Variants in LPP observed in about 807,000 individuals in gnomAD.
LPP encodes LIM domain containing preferred translocation partner in lipoma.
A neutral mutation model predicts 60.4 loss-of-function variants in LPP; 38 were observed. That is an observed-to-expected ratio of 0.63 (90% CI 0.49 to 0.83). The LOEUF (loss-of-function observed/expected upper bound fraction) is 0.83, where lower values mean the gene tolerates loss of function less well. Ranked by LOEUF, LPP falls within the 40% of genes least tolerant of loss-of-function variation. The pLI is 0.00. For missense variants in LPP, 902 were observed against 783.6 expected (o/e 1.15, Z -1.80); for synonymous variants, 328 against 290.8 (o/e 1.13, Z -1.30).
At chr3:188,794,734 T>C (rs1043758370) in intron 9 of LPP, among the ~76,000 whole-genome samples, 1 of 152,144 alleles carries the variant, frequency 6.6e-6, no homozygotes, top group Admixed American at 6.5e-5. Flanking sequence ...CAAAGGTTTT[T>C]TTTTTCTTTA....
chr3:188,346,003 T>C (rs949230256), intron 3 of LPP, among the ~76,000 whole-genome samples: 2 of 152,116 alleles, frequency 1.3e-5, no homozygotes, highest in East Asian at 1.9e-4. Context: ...GCATAGATGA[T>C]GTCAAAGGAA....
chr3:188,445,979 G>A lies in LPP; in HGVS notation c.194-38613G>A, dbSNP rs574732025. Among the ~76,000 whole-genome samples, 15 of 152,158 alleles carry A rather than the reference G, an allele frequency of 9.9e-5. 1 individual carries two copies. Among genetic ancestry groups the A allele is most frequent in the African/African-American group, 1.9e-4 (8 of 41,482 alleles). On this transcript the variant is annotated intron_variant, in intron 4 of 11. Coordinates refer to ENST00000617246, the MANE Select transcript of LPP (RefSeq NM_001375462.1). Reference sequence around the variant, plus strand: ...ATAAATTATTTTATTTGTTTCTTCCGTATGCCATTTAACAGGGAGGGGAAG... The same window carrying A: ...ATAAATTATTTTATTTGTTTCTTCCATATGCCATTTAACAGGGAGGGGAAG...
intron 1 of LPP, among the ~76,000 whole-genome samples, chr3:188,204,846 T>A (rs1732722777): frequency 6.6e-6 from 1 of 152,182 alleles, no homozygotes; most frequent in South Asian, 2.1e-4. Flanking sequence ...TGTAAGATGG[T>A]CATGAGTTTC....
chr3:188,592,104 A>C (rs1179240364), intron 6 of LPP, among the ~76,000 whole-genome samples: 1 of 152,194 alleles, frequency 6.6e-6, no homozygotes, highest in East Asian at 1.9e-4. Flanking sequence ...GAAAAATCTT[A>C]GTGCTTTTTG....
At chr3:188,739,136 TGAAGAAG>T (rs1490716753) in intron 8 of LPP, among the ~76,000 whole-genome samples, 2 of 152,064 alleles carry the variant, frequency 1.3e-5, no homozygotes, top group African/African-American at 2.4e-5. Context: ...TGTAATAATT[TGAAGAAG>T]GAAGAAGTTA....
chr3:188,517,810 A>G (rs772806270), intron 5 of LPP, among the ~76,000 whole-genome samples: 5 of 152,128 alleles, frequency 3.3e-5, no homozygotes, highest in Non-Finnish European at 5.9e-5. Context: ...GTTCCTTCCC[A>G]TAACATGGGG....
chr3:188,694,415 C>T (rs1446267502), intron 7 of LPP, among the ~76,000 whole-genome samples: 1 of 151,990 alleles, frequency 6.6e-6, no homozygotes, highest in Non-Finnish European at 1.5e-5. Context: ...TAAAAATGAC[C>T]ATGTCGGCCG....
chr3:188,250,794 C>CTTTCTCTT (rs1553835809), intron 2 of LPP, among the ~76,000 whole-genome samples: 1 of 114,130 alleles, frequency 8.8e-6, no homozygotes, highest in African/African-American at 3.8e-5. Flanking sequence ...TTCTGTCTTT[C>CTTTCTCTT]TCTTTCTTTC....
chr3:188,455,641 A>T (rs1301078633), intron 4 of LPP, among the ~76,000 whole-genome samples: 1 of 152,220 alleles, frequency 6.6e-6, no homozygotes, highest in African/African-American at 2.4e-5. Flanking sequence ...ATCATAATAT[A>T]CTGATTACAG....
chr3:188,437,645 A>G (rs930821150), intron 4 of LPP, among the ~76,000 whole-genome samples: 1 of 152,216 alleles, frequency 6.6e-6, no homozygotes, highest in African/African-American at 2.4e-5. Context: ...ACTTAATACT[A>G]CAGAATAAGA....
intron 6 of LPP, among the ~76,000 whole-genome samples, chr3:188,583,399 T>C (rs1174606309): frequency 6.6e-6 from 1 of 152,180 alleles, no homozygotes; most frequent in African/African-American, 2.4e-5. Context: ...CATTGTTCAC[T>C]ACCTCAGTCT....
At chr3:188,820,683 A>G (rs1577771971) in intron 9 of LPP, among the ~76,000 whole-genome samples, 1 of 152,210 alleles carries the variant, frequency 6.6e-6, no homozygotes, top group Non-Finnish European at 1.5e-5. Flanking sequence ...TGTGTTACAG[A>G]TAAATGGAAG....
intron 2 of LPP, among the ~76,000 whole-genome samples, chr3:188,280,477 A>G (rs1741556759): frequency 6.6e-6 from 1 of 152,132 alleles, no homozygotes; most frequent in African/African-American, 2.4e-5. Context: ...GCTACCAGTA[A>G]TTTTGAGGAA....
At chr3:188,805,833 G>T (rs149676102) in intron 9 of LPP, among the ~76,000 whole-genome samples, 1 of 151,088 alleles carries the variant, frequency 6.6e-6, no homozygotes, top group Non-Finnish European at 1.5e-5. Context: ...TTTTTTTGAC[G>T]CATGGTTTAT....
chr3:188,593,153 G>GGTGT (rs10678737), intron 6 of LPP, among the ~76,000 whole-genome samples: 73,349 of 148,190 alleles, frequency 0.49, 18,009 homozygotes, highest in South Asian at 0.55. Context: ...TCTGATGCCT[G>GGTGT]GTGTGTGTGT....
At chr3:188,804,845 T>C (rs1243305851) in intron 9 of LPP, among the ~76,000 whole-genome samples, 1 of 152,100 alleles carries the variant, frequency 6.6e-6, no homozygotes, top group Non-Finnish European at 1.5e-5. Flanking sequence ...TTGAACATGC[T>C]CTTTATTAAG....
intron 7 of LPP, among the ~76,000 whole-genome samples, chr3:188,643,818 C>A (rs1186011133): frequency 6.6e-6 from 1 of 152,028 alleles, no homozygotes; most frequent in Non-Finnish European, 1.5e-5. Flanking sequence ...TCTTGAGTAA[C>A]CTGAAGTCTA....
At chr3:188,641,862 T>C (rs185477497) in intron 7 of LPP, among the ~76,000 whole-genome samples, 55 of 152,332 alleles carry the variant, frequency 3.6e-4, no homozygotes, top group African/African-American at 1.3e-3. Flanking sequence ...CCTGTTCTGA[T>C]AGAAACTCCC....
chr3:188,801,218 T>C (rs1747171582), intron 9 of LPP, among the ~76,000 whole-genome samples: 2 of 152,188 alleles, frequency 1.3e-5, no homozygotes, highest in Non-Finnish European at 2.9e-5. Flanking sequence ...TCCTAGGCTC[T>C]ACAATGTAGC....
Sources: allele counts gnomAD v4.1 joint callset (sites outside exome capture counted in the v4.1 genomes callset), GRCh38; gene constraint gnomAD v4.1.1; transcripts MANE v1.5; gene names NCBI Gene and HGNC (gene_info 2026-07-23, HGNC 2026-07-21).